NRG2: variants seen among roughly 807,000 people sequenced by gnomAD.
NRG2 encodes pro-neuregulin-2, membrane-bound isoform.
A neutral mutation model predicts 73.9 loss-of-function variants in NRG2; 27 were observed. That is an observed-to-expected ratio of 0.37 (90% CI 0.27 to 0.50). The LOEUF is 0.50. NRG2 is among the 20% of genes least tolerant of loss of function. NRG2 has a pLI of 0.96. For missense variants in NRG2, 1,126 were observed against 1,210.1 expected (o/e 0.93, Z 1.03); for synonymous variants, 532 against 541.0 (o/e 0.98, Z 0.23).
intron 1 of NRG2, among the ~76,000 whole-genome samples, chr5:140,040,619 T>C (rs1467385522): frequency 6.6e-6 from 1 of 152,176 alleles, no homozygotes; most frequent in Non-Finnish European, 1.5e-5. Context: ...AGATGTACAC[T>C]GTGCAAATGC....
At chr5:139,871,282 A>G (rs1337749201) in intron 4 of NRG2, 1 of 166,726 alleles carries the variant, frequency 6.0e-6, no homozygotes, top group Non-Finnish European at 1.3e-5. Context: ...GCTCCTCGCT[A>G]TTGGGGAAGA....
chr5:139,874,429 A>G (rs1264001014), intron 3 of NRG2, among the ~76,000 whole-genome samples: 1 of 152,172 alleles, frequency 6.6e-6, no homozygotes, highest in African/African-American at 2.4e-5. Context: ...CCAAAGTCCT[A>G]GAGGGCATCT....
At chr5:139,960,856 G>A (rs1455805700) in intron 1 of NRG2, among the ~76,000 whole-genome samples, 1 of 152,204 alleles carries the variant, frequency 6.6e-6, no homozygotes, top group Non-Finnish European at 1.5e-5. Context: ...TCTAGCACAT[G>A]TCAGCATAGT....
intron 1 of NRG2, chr5:140,019,686 G>A (rs1760070050): frequency 6.6e-6 from 1 of 152,152 alleles, no homozygotes; most frequent in African/African-American, 2.4e-5. Flanking sequence ...TGAGCCTCAG[G>A]TTCTTAGATG....
intron 1 of NRG2, among the ~76,000 whole-genome samples, chr5:140,010,012 A>T (rs1243953509): frequency 1.3e-5 from 2 of 152,162 alleles, no homozygotes; most frequent in Admixed American, 6.5e-5. Context: ...AAATTTCTGT[A>T]TGAGGCCGGG....
chr5:139,880,767 G>T (rs531716474), intron 3 of NRG2, 89 bp downstream of exon 3: 5 of 909,144 alleles, frequency 5.5e-6, no homozygotes, highest in African/African-American at 5.0e-5. Context: ...GTGCGAGATG[G>T]ATCACATGCA....
rs1754496297 is a variant in NRG2 at position 139,954,827 on chromosome 5, G to A, written c.701-67316C>T. Among the ~76,000 whole-genome samples the A allele has an allele frequency of 6.6e-6, 1 of 152,160 alleles. No homozygotes were observed. Among genetic ancestry groups the A allele is most frequent in the Non-Finnish European group, 1.5e-5 (1 of 68,044 alleles). On this transcript the variant is annotated intron_variant, in intron 1 of 9. Coordinates refer to ENST00000361474, the MANE Select transcript of NRG2 (RefSeq NM_004883.3). The surrounding 1 kb of genome is among the most constrained non-coding windows in gnomAD (Gnocchi z 5.0). ...GCCTACATCGTAGGGTTTTTGTAAG[G>A]ATAAATTAGAAAATGCTTGGAACAG...
chr5:139,957,281 G>A (rs1297846616), intron 1 of NRG2, among the ~76,000 whole-genome samples: 1 of 150,970 alleles, frequency 6.6e-6, no homozygotes, highest in Non-Finnish European at 1.5e-5. Flanking sequence ...GAACTAGCTG[G>A]TCACCATCCC....
chr5:139,958,768 G>C (rs1754833503), intron 1 of NRG2, among the ~76,000 whole-genome samples: 1 of 152,094 alleles, frequency 6.6e-6, no homozygotes, highest in East Asian at 1.9e-4. Flanking sequence ...TGCCACCCCT[G>C]TCCACCACTC....
chr5:139,862,720 G>A (rs115548814), intron 5 of NRG2, among the ~76,000 whole-genome samples: 356 of 152,386 alleles, frequency 2.3e-3, no homozygotes, highest in African/African-American at 8.4e-3. Context: ...TTGCTCATGT[G>A]TGCAGGTATG....
intron 3 of NRG2, among the ~76,000 whole-genome samples, chr5:139,876,387 A>C (rs924199284): frequency 4.6e-5 from 7 of 152,140 alleles, no homozygotes; most frequent in African/African-American, 1.7e-4. Flanking sequence ...GGGTGACAAA[A>C]ATGTCCTAAA....
chr5:139,988,263 T>C lies in NRG2; in HGVS notation c.700+54107A>G, dbSNP rs546053782. ...TGACAGTTTCTTACAAAACTAAACA[T>C]ACTCTTACCATATAATCCAGCAATT... On this transcript the variant is annotated intron_variant, in intron 1 of 9. Coordinates refer to ENST00000361474, the MANE Select transcript of NRG2 (RefSeq NM_004883.3). Among the ~76,000 whole-genome samples the C allele has an allele frequency of 2.4e-4, 36 of 152,154 alleles. No individual in the cohort carries two copies. The East Asian group carries it at 6.9e-3, about 29-fold the overall frequency.
chr5:139,926,680 C>T (rs938160373), intron 1 of NRG2, among the ~76,000 whole-genome samples: 1 of 152,204 alleles, frequency 6.6e-6, no homozygotes, highest in African/African-American at 2.4e-5. Flanking sequence ...CCTCCAACCT[C>T]CAGGCTCAGG....
intron 1 of NRG2, among the ~76,000 whole-genome samples, chr5:139,970,399 G>A (rs1755876814): frequency 6.6e-6 from 1 of 152,124 alleles, no homozygotes; most frequent in African/African-American, 2.4e-5. Flanking sequence ...AAGGAGGTAG[G>A]CTTCATAGGA....
chr5:139,866,855 G>A (rs1762499849), intron 4 of NRG2, among the ~76,000 whole-genome samples: 1 of 152,164 alleles, frequency 6.6e-6, no homozygotes, highest in Non-Finnish European at 1.5e-5. Context: ...AATTTCTGGA[G>A]GACATGCCCA....
rs545701204 is a variant in NRG2, at chr5:139,879,487, G to A, written c.991+1369C>T. On this transcript the variant is annotated intron_variant, in intron 3 of 9. Transcript: ENST00000361474. Reference sequence around the variant, plus strand: ...GGCCCATTTTACAGTAGGAAAGAATGAGGCCAACACATAGTGAGAGAAACT... The same window carrying A: ...GGCCCATTTTACAGTAGGAAAGAATAAGGCCAACACATAGTGAGAGAAACT... 3.9e-5 allele frequency among the ~76,000 whole-genome samples: 6 copies of A among 152,320 alleles called. No homozygotes were observed. In the East Asian group the frequency reaches 1.2e-3, roughly 29 times the overall value.
chr5:139,985,203 G>C (rs1489679382), intron 1 of NRG2, among the ~76,000 whole-genome samples: 1 of 151,970 alleles, frequency 6.6e-6, no homozygotes, highest in African/African-American at 2.4e-5. Flanking sequence ...AGCCAGGTGT[G>C]GTGGCACACA....
rs953959313 is a variant in NRG2, at chr5:139,978,010, A to G, written c.700+64360T>C. 6.0e-4 allele frequency among the ~76,000 whole-genome samples: 91 copies of G among 152,324 alleles called. 1 individual carries two copies. In the Middle Eastern group the frequency reaches 0.017, roughly 28 times the overall value. ...AAAACCCTAGAAGAAAACCTAGGCA[A>G]TACCATTCAGGACATAGACATGGGC... On this transcript the variant is annotated intron_variant, in intron 1 of 9. Coordinates refer to ENST00000361474, the MANE Select transcript of NRG2 (RefSeq NM_004883.3).
intron 1 of NRG2, among the ~76,000 whole-genome samples, chr5:139,911,431 A>G (rs1413978597): frequency 6.6e-6 from 1 of 152,142 alleles, no homozygotes; most frequent in Non-Finnish European, 1.5e-5. Flanking sequence ...TACTCTGTCC[A>G]CCAGCTCTTC....
Sources: allele counts gnomAD v4.1 joint callset (sites outside exome capture counted in the v4.1 genomes callset), GRCh38; gene constraint gnomAD v4.1.1; non-coding constraint Gnocchi (gnomAD v3.1); transcripts MANE v1.5; gene names NCBI Gene and HGNC (gene_info 2026-07-23, HGNC 2026-07-21).